KIAA1210: variants seen among roughly 807,000 people sequenced by gnomAD.
KIAA1210 encodes the protein acrosomal protein KIAA1210.
In KIAA1210, 48 loss-of-function variants were observed where a neutral mutation model predicts 78.9. The observed-to-expected ratio is 0.61, with a 90% CI of 0.48 to 0.77. The LOEUF (loss-of-function observed/expected upper bound fraction) is 0.77, where lower values mean the gene tolerates loss of function less well. KIAA1210 is among the 30% of genes least tolerant of loss of function. The pLI is 0.00. For synonymous variants in KIAA1210, 406 were observed against 404.5 expected, an observed-to-expected ratio of 1.00 and a Z score of -0.04; for missense variants, 1,108 against 1,100.0, an observed-to-expected ratio of 1.01 and a Z score of -0.10.
At position 119,121,771 on chromosome X, in the gene KIAA1210, A is replaced by AT. The variant is rs750521032; in HGVS notation, c.61+1810dup. On this transcript the variant is annotated intron_variant, in intron 2 of 11. Transcript: ENST00000691062. ...AAATTTATTTTTTTAGTTTTTATTT[A>AT]TTATTTTTTTTTTTTGAGACGGAGT... Among the ~76,000 whole-genome samples the AT allele has an allele frequency of 6.8e-3, 735 of 108,744 alleles. 6 individuals are homozygous for AT. The highest frequency in any genetic ancestry group is 0.02 in the African/African-American group (592 of 29,727). 94.4% of individuals were successfully genotyped at this position (108,744 alleles called of 115,157 possible).
chrX:119,128,623 A>G (rs1928709961), upstream of KIAA1210, among the ~76,000 whole-genome samples: 1 of 111,791 alleles, frequency 8.9e-6, no homozygotes, highest in African/African-American at 3.3e-5. Flanking sequence ...CATCCTAGTT[A>G]AAATGCTCCC....
At chrX:119,108,568 A>G (rs1352602817) in intron 4 of KIAA1210, 97 bp from the exon 5 acceptor site, 1 of 1,025,324 alleles carries the variant, frequency 9.8e-7, no homozygotes. Context: ...TGGTGTGTTA[A>G]GAGAAGTGAA....
At chrX:119,094,317 T>C (rs925315889) in intron 7 of KIAA1210, among the ~76,000 whole-genome samples, 9 of 111,999 alleles carry the variant, frequency 8.0e-5, no homozygotes, top group Non-Finnish European at 1.5e-4. Flanking sequence ...GTTCAGCCCT[T>C]ACACTGGATG....
At chrX:119,113,881 C>G (rs1362862465) in intron 3 of KIAA1210, among the ~76,000 whole-genome samples, 1 of 111,312 alleles carries the variant, frequency 9.0e-6, no homozygotes, top group African/African-American at 3.3e-5. Context: ...GTGAAACAAC[C>G]TTTGTATGAT....
chrX:119,095,857 G>A (rs1329880667), intron 7 of KIAA1210, among the ~76,000 whole-genome samples: 1 of 112,007 alleles, frequency 8.9e-6, no homozygotes, highest in Admixed American at 9.5e-5. Context: ...ATATTGAGGT[G>A]GGCAAGGTTC....
At chrX:119,132,185 C>T (rs1258279623), upstream of KIAA1210, among the ~76,000 whole-genome samples, 1 of 112,248 alleles carries the variant, frequency 8.9e-6, no homozygotes, top group Non-Finnish European at 1.9e-5. Flanking sequence ...GCCCTGACGG[C>T]GATTGAGCCT....
chrX:119,130,171 G>C (rs1467613446), upstream of KIAA1210, among the ~76,000 whole-genome samples: 1 of 112,083 alleles, frequency 8.9e-6, no homozygotes, highest in Non-Finnish European at 1.9e-5. Context: ...TAAAAGCCAA[G>C]TTCTTAACAC....
chrX:119,120,500 CTATT>C, intron 2 of KIAA1210, among the ~76,000 whole-genome samples: 1 of 112,087 alleles, frequency 8.9e-6, no homozygotes, highest in Admixed American at 9.4e-5. Context: ...GTCTAATAAA[CTATT>C]TAGGCTGTAA....
rs200456428 is a variant in KIAA1210 at position 119,087,813 on chromosome X, G to A, written c.2889C>T (p.Phe963=). The A allele has an allele frequency of 1.8e-5, 22 of 1,210,085 alleles. No homozygotes were observed. Among genetic ancestry groups the A allele is most frequent in the East Asian group, 1.8e-4 (6 of 33,775 alleles). Residue 963 remains phenylalanine (F), a synonymous_variant, in exon 9 of 12, where the codon TTC becomes TTT. Transcript: ENST00000691062. ...GNKVQQLSSN[F]ERAAIEADIS... is the part of the protein sequence containing the mutation. The stretch of plus-strand genomic sequence containing the variant: ...TGTCTGCCTCAATAGCAGCCCGCTC[G>A]AAATTTGAGGACAGTTGCTGGACTT...
intron 10 of KIAA1210, 110 bp from the exon 11 acceptor site, chrX:119,083,230 T>C (rs1927023397): frequency 2.3e-6 from 1 of 443,943 alleles, no homozygotes; most frequent in Admixed American, 4.6e-5. Flanking sequence ...ACTATGAGTT[T>C]AACAGTATCC....
chrX:119,150,607 G>GTGT (rs1929275390), upstream of KIAA1210: 1 of 1,179,083 alleles, frequency 8.5e-7, no homozygotes, highest in Non-Finnish European at 1.1e-6. Context: ...ACCTGTCTCT[G>GTGT]TGTCCCCCGA....
chrX:119,085,573 A>G, intron 9 of KIAA1210, 27 bp from the exon 10 acceptor site: 1 of 1,187,649 alleles, frequency 8.4e-7, no homozygotes, highest in East Asian at 3.0e-5. Flanking sequence ...AGGAGTTAGA[A>G]CTGAAGCAAG....
At chrX:119,145,352 G>C (rs942321842) in intron 2 of KIAA1210, among the ~76,000 whole-genome samples, 22 of 110,954 alleles carry the variant, frequency 2.0e-4, no homozygotes, top group African/African-American at 6.9e-4. Context: ...CTAACCACTA[G>C]ATGTCAGTAG....
rs749889066 is a variant in KIAA1210, at chrX:119,088,717, G to A, written c.1985C>T (p.Ser662Phe). The change falls in exon 9 of 12, where the codon TCC (serine) becomes TTC (phenylalanine). Residue 662 changes from serine (S) to phenylalanine (F), a missense_variant. By Grantham distance (155) the Ser-to-Phe change is radical. Transcript: ENST00000691062. ...SEEELDLRCL[S>F]QALEEPEDAE... is the part of the protein sequence containing the mutation. ...ATCTTCAGGCTCCTCTAAAGCCTGG[G>A]AGAGGCATCTGAGGTCCAGCTCCTC... is the stretch of plus-strand genomic sequence containing the variant. 1 of 1,208,872 alleles carries A rather than the reference G, an allele frequency of 8.3e-7. No individual in the cohort carries two copies. Among genetic ancestry groups the A allele is most frequent in the South Asian group, 1.8e-5 (1 of 56,531 alleles).
intron 3 of KIAA1210, among the ~76,000 whole-genome samples, chrX:119,113,407 T>C (rs902803743): frequency 8.0e-5 from 9 of 111,854 alleles, no homozygotes; most frequent in African/African-American, 2.6e-4. Context: ...TTTAAATAAA[T>C]GACCCTTGAA....
At chrX:119,108,842 CAA>C (rs3049062) in intron 4 of KIAA1210, among the ~76,000 whole-genome samples, 83 of 70,420 alleles carry the variant, frequency 1.2e-3, no homozygotes, top group African/African-American at 3.5e-3. Context: ...AGACCTGTCT[CAA>C]AAAAAAAAAA....
At chrX:119,093,906 A>G in intron 7 of KIAA1210, 131 bp from the exon 8 acceptor site, 1 of 868,331 alleles carries the variant, frequency 1.2e-6, no homozygotes, top group Non-Finnish European at 1.7e-6. Context: ...TTAAAGATGG[A>G]CGTTATTTCA....
At chrX:119,125,729 ATATATATTTT>A (rs1460894969) in intron 1 of KIAA1210, among the ~76,000 whole-genome samples, 4 of 7,136 alleles carry the variant, frequency 5.6e-4, no homozygotes, top group Non-Finnish European at 1.9e-3. Flanking sequence ...ATATATATAT[ATATATATTTT>A]TTTTTTTTTT....
chrX:119,082,897 G>A (rs374015486), intron 11 of KIAA1210, 118 bp downstream of exon 11: 1 of 442,350 alleles, frequency 2.3e-6, no homozygotes, highest in Non-Finnish European at 3.8e-6. Context: ...AGAGCCACGC[G>A]AGAAATCATT....
Sources: allele counts gnomAD v4.1 joint callset (sites outside exome capture counted in the v4.1 genomes callset), GRCh38; gene constraint gnomAD v4.1.1; transcripts MANE v1.5; gene names NCBI Gene and HGNC (gene_info 2026-07-23, HGNC 2026-07-21).